Variants in SYCP1 observed in about 807,000 individuals in gnomAD.
The protein encoded by SYCP1 is synaptonemal complex protein 1.
Under a neutral mutation model 153.1 loss-of-function variants are expected in SYCP1, and 64 were observed. That is an observed-to-expected ratio of 0.42 (90% CI 0.34 to 0.51). The LOEUF is 0.51. Among genes scored for constraint, SYCP1 ranks in the 20% least tolerant of loss-of-function variants. The pLI, the probability that SYCP1 is intolerant of heterozygous loss-of-function variation, is 0.06. For synonymous variants in SYCP1, 384 were observed against 341.8 expected, an observed-to-expected ratio of 1.12 and a Z score of -1.36; for missense variants, 997 against 1,049.0, an observed-to-expected ratio of 0.95 and a Z score of 0.68.
At chr1:114,865,089 GT>G (rs1664648274) in intron 8 of SYCP1, among the ~76,000 whole-genome samples, 1 of 152,028 alleles carries the variant, frequency 6.6e-6, no homozygotes, top group Admixed American at 6.6e-5. Flanking sequence ...TTAAAAATTT[GT>G]AGTGTCACTT....
intron 16 of SYCP1, among the ~76,000 whole-genome samples, chr1:114,900,429 C>T (rs1243469649): frequency 2.0e-5 from 3 of 152,044 alleles, no homozygotes; most frequent in Admixed American, 2.0e-4. Context: ...TATAGGCGCC[C>T]ACCACCATGC....
intron 7 of SYCP1, among the ~76,000 whole-genome samples, chr1:114,860,098 T>C (rs1250854659): frequency 3.3e-5 from 5 of 152,170 alleles, no homozygotes; most frequent in Non-Finnish European, 5.9e-5. Flanking sequence ...ACTACCTATG[T>C]ATGTTGTCTG....
rs79653912 is a variant in SYCP1 at position 114,856,096 on chromosome 1, A to G, written c.109-477A>G. Among the ~76,000 whole-genome samples the G allele has an allele frequency of 4.3e-3, 659 of 152,352 alleles. 2 individuals are homozygous for G. The highest frequency in any genetic ancestry group is 6.5e-3 in the Non-Finnish European group (442 of 68,020). On this transcript the variant is annotated intron_variant, in intron 2 of 31. Transcript: ENST00000369522. ...CAGGTGAAACAGAGCTTTAAAAATT[A>G]ATTAAAAAAATTTATCATGTGGATC...
In SYCP1 at chr1:114,953,914, T is replaced by C. The variant is rs2088491; in HGVS notation, c.2322+6594T>C. 2.0e-5 allele frequency among the ~76,000 whole-genome samples: 3 copies of C among 152,224 alleles called. No homozygotes were observed. The South Asian group carries it at 6.2e-4, about 31-fold the overall frequency. On this transcript the variant is annotated intron_variant, in intron 27 of 31. Transcript: ENST00000369522. ...TTACTTTGTTGAGTTTTCAAATCTATAGCATGGTATTTTTCTCCATTTATT... is the reference window on the plus strand; with the variant it reads ...TTACTTTGTTGAGTTTTCAAATCTACAGCATGGTATTTTTCTCCATTTATT...
At chr1:114,953,271 G>A (rs1671225876) in intron 27 of SYCP1, among the ~76,000 whole-genome samples, 1 of 152,100 alleles carries the variant, frequency 6.6e-6, no homozygotes. Context: ...TCTATAGCTT[G>A]TCTTTTTATT....
chr1:114,959,933 T>C (rs1342993888), intron 27 of SYCP1, among the ~76,000 whole-genome samples: 1 of 152,152 alleles, frequency 6.6e-6, no homozygotes, highest in Non-Finnish European at 1.5e-5. Flanking sequence ...TTCTTTTTTA[T>C]GGCTGAATAG....
intron 16 of SYCP1, among the ~76,000 whole-genome samples, chr1:114,897,599 G>A (rs1040220192): frequency 1.7e-4 from 26 of 152,272 alleles, no homozygotes; most frequent in African/African-American, 6.3e-4. Flanking sequence ...ATGCATCTGA[G>A]GGGAATCTCC....
At chr1:114,981,234 ATTTTG>A in intron 28 of SYCP1, 97 bp from the exon 29 acceptor site, 1 of 892,784 alleles carries the variant, frequency 1.1e-6, no homozygotes, top group Non-Finnish European at 1.7e-6. Flanking sequence ...AAATTTGCTT[ATTTTG>A]TTGTGAATTC....
intron 8 of SYCP1, among the ~76,000 whole-genome samples, chr1:114,872,432 C>T (rs906252579): frequency 3.9e-5 from 6 of 152,050 alleles, no homozygotes; most frequent in Non-Finnish European, 8.8e-5. Flanking sequence ...TTTTGCTCCT[C>T]TGTAGGTAAA....
chr1:114,931,234 A>T (rs1669609162), intron 23 of SYCP1, among the ~76,000 whole-genome samples: 1 of 152,082 alleles, frequency 6.6e-6, no homozygotes, highest in South Asian at 2.1e-4. Context: ...CCTATTCAAC[A>T]TTGTACTGGA....
chr1:114,886,793 AT>A (rs1176566489), intron 14 of SYCP1, among the ~76,000 whole-genome samples: 1 of 151,974 alleles, frequency 6.6e-6, no homozygotes, highest in Admixed American at 6.6e-5. Flanking sequence ...ATTAATTATC[AT>A]TAACTTATTA....
chr1:114,876,095 T>A lies in SYCP1; in HGVS notation c.684T>A (p.Leu228=). ...AAATGATAACAGCTTTTGAGGAACTTCGTGTGCAAGCTGAGAATTCCAGAC... is the reference window on the plus strand; with the variant it reads ...AAATGATAACAGCTTTTGAGGAACTACGTGTGCAAGCTGAGAATTCCAGAC... ...IEKMITAFEE[L]RVQAENSRLE... Residue 228 remains leucine, a synonymous_variant, in exon 10 of 32, where the codon CTT becomes CTA. Transcript: ENST00000369522. 3 of 1,584,704 alleles carry A rather than the reference T, an allele frequency of 1.9e-6. No homozygotes were observed. Among genetic ancestry groups the A allele is most frequent in the Middle Eastern group, 1.7e-4 (1 of 5,942 alleles).
chr1:114,921,905 C>G (rs1271972329), intron 20 of SYCP1, among the ~76,000 whole-genome samples: 2 of 152,104 alleles, frequency 1.3e-5, no homozygotes, highest in African/African-American at 4.8e-5. Flanking sequence ...GATATTTTCA[C>G]TGGATATACT....
At chr1:114,892,787 G>A (rs1283594374) in intron 15 of SYCP1, among the ~76,000 whole-genome samples, 1 of 152,096 alleles carries the variant, frequency 6.6e-6, no homozygotes, top group South Asian at 2.1e-4. Context: ...GCAGTAGCCA[G>A]CAGTGAGTAT....
chr1:114,912,497 G>A (rs952418468), intron 18 of SYCP1, among the ~76,000 whole-genome samples: 1 of 151,886 alleles, frequency 6.6e-6, no homozygotes, highest in Non-Finnish European at 1.5e-5. Context: ...CTCTTCCAAA[G>A]TAGAACATTT....
chr1:114,859,085 A>AT (rs5777207), intron 6 of SYCP1, among the ~76,000 whole-genome samples: 10 of 151,846 alleles, frequency 6.6e-5, no homozygotes, highest in African/African-American at 2.4e-4. Flanking sequence ...GTGTAACTTT[A>AT]TTTTTTTTAT....
At chr1:114,906,862 GTGT>G (rs1427698657) in intron 16 of SYCP1, among the ~76,000 whole-genome samples, 5 of 152,154 alleles carry the variant, frequency 3.3e-5, no homozygotes, top group African/African-American at 1.2e-4. Context: ...TTGGCTGATG[GTGT>G]TGTACAAATA....
intron 8 of SYCP1, among the ~76,000 whole-genome samples, chr1:114,865,290 A>C (rs1007222737): frequency 2.6e-5 from 4 of 152,154 alleles, no homozygotes; most frequent in Non-Finnish European, 5.9e-5. Flanking sequence ...ATAATTAATA[A>C]TTTGAGACTT....
chr1:114,945,037 T>G, intron 25 of SYCP1, 55 bp downstream of exon 25: 1 of 1,225,884 alleles, frequency 8.2e-7, no homozygotes, highest in East Asian at 2.6e-5. Context: ...ATATTTCTGT[T>G]AAATAATGGT....
Sources: allele counts gnomAD v4.1 joint callset (sites outside exome capture counted in the v4.1 genomes callset), GRCh38; gene constraint gnomAD v4.1.1; transcripts MANE v1.5; gene names NCBI Gene and HGNC (gene_info 2026-07-23, HGNC 2026-07-21).